FBXL13: variants seen among roughly 807,000 people sequenced by gnomAD.
FBXL13 encodes F-box and leucine rich repeat protein 13.
Under a neutral mutation model 83.6 loss-of-function variants are expected in FBXL13, and 67 were observed. That is an observed-to-expected ratio of 0.80 (90% confidence interval 0.66 to 0.98). The LOEUF (loss-of-function observed/expected upper bound fraction) is 0.98, where lower values mean the gene tolerates loss of function less well. Among genes scored for constraint, FBXL13 ranks in the 50% least tolerant of loss-of-function variants. The probability of loss-of-function intolerance (pLI) is 0.00; values close to 1 mark genes in which losing one functional copy is unlikely to be tolerated. For missense variants in FBXL13, 822 were observed against 866.5 expected (o/e 0.95, Z 0.64); for synonymous variants, 272 against 299.5 (o/e 0.91, Z 0.95).
intron 11 of FBXL13, among the ~76,000 whole-genome samples, chr7:102,907,481 CCA>C (rs1491151399): frequency 1.3e-5 from 2 of 151,740 alleles, no homozygotes; most frequent in Non-Finnish European, 2.9e-5. Flanking sequence ...TCCCGCCCCC[CCA>C]CAACAGGCCC....
intron 16 of FBXL13, among the ~76,000 whole-genome samples, chr7:102,866,568 T>C (rs10487280): frequency 0.036 from 5,508 of 152,292 alleles, 157 homozygotes; most frequent in East Asian, 0.16. Context: ...ATTCTTCCTA[T>C]TTCTTGAATC....
chr7:103,018,946 T>C (rs530615842), intron 6 of FBXL13, among the ~76,000 whole-genome samples: 1 of 152,252 alleles, frequency 6.6e-6, no homozygotes, highest in Admixed American at 6.5e-5. Flanking sequence ...TATCCAGGAA[T>C]TGAACTCAGC....
At chr7:103,014,364 A>T (rs1383402143) in intron 6 of FBXL13, among the ~76,000 whole-genome samples, 1 of 152,080 alleles carries the variant, frequency 6.6e-6, no homozygotes, top group Non-Finnish European at 1.5e-5. Context: ...CAAACAAAAA[A>T]ATCAAATCAG....
chr7:102,991,206 C>G (rs1044419587), intron 6 of FBXL13, among the ~76,000 whole-genome samples: 1 of 152,090 alleles, frequency 6.6e-6, no homozygotes, highest in Non-Finnish European at 1.5e-5. Context: ...AGAGAGAAGT[C>G]AAAGATATTT....
At chr7:102,987,170 G>A (rs933391680) in intron 6 of FBXL13, among the ~76,000 whole-genome samples, 1 of 151,970 alleles carries the variant, frequency 6.6e-6, no homozygotes, top group Admixed American at 6.6e-5. Context: ...GGGCGAGAGA[G>A]GAGTGAGGAA....
At chr7:102,955,735 T>C (rs1402584713) in intron 8 of FBXL13, among the ~76,000 whole-genome samples, 1 of 151,488 alleles carries the variant, frequency 6.6e-6, no homozygotes, top group Non-Finnish European at 1.5e-5. Context: ...CAAACTACCA[T>C]CAGAGAACAC....
chr7:102,823,359 C>G (rs1479734559), intron 18 of FBXL13, among the ~76,000 whole-genome samples: 1 of 152,102 alleles, frequency 6.6e-6, no homozygotes, highest in Non-Finnish European at 1.5e-5. Context: ...GAGAAGGGAC[C>G]TGGACATCAC....
intron 9 of FBXL13, among the ~76,000 whole-genome samples, chr7:102,931,567 G>C (rs1184598659): frequency 6.6e-6 from 1 of 152,166 alleles, no homozygotes; most frequent in African/African-American, 2.4e-5. Flanking sequence ...AAGATAAAAT[G>C]AGCCTATCAT....
intron 17 of FBXL13, among the ~76,000 whole-genome samples, chr7:102,847,565 C>T (rs1016261124): frequency 1.3e-5 from 2 of 151,820 alleles, no homozygotes; most frequent in Non-Finnish European, 2.9e-5. Context: ...CTCTTTCTGT[C>T]GCCCAGGCTG....
chr7:102,932,935 C>T (rs1028105313), intron 8 of FBXL13: 1 of 152,240 alleles, frequency 6.6e-6, no homozygotes, highest in Non-Finnish European at 1.5e-5. Context: ...TCAACAAATA[C>T]TTATCAAGGA....
intron 1 of FBXL13, among the ~76,000 whole-genome samples, chr7:103,065,046 C>T (rs968031336): frequency 6.6e-6 from 1 of 152,126 alleles, no homozygotes; most frequent in African/African-American, 2.4e-5. Flanking sequence ...TGTTGTAAGC[C>T]ACCAAGTGCT....
intron 16 of FBXL13, among the ~76,000 whole-genome samples, chr7:102,855,844 G>A (rs1197717243): frequency 6.8e-6 from 1 of 146,756 alleles, no homozygotes; most frequent in South Asian, 2.1e-4. Flanking sequence ...TTTTTTGTTT[G>A]TTTGTTTTGT....
intron 16 of FBXL13, among the ~76,000 whole-genome samples, chr7:102,872,322 T>C (rs1054634713): frequency 6.6e-6 from 1 of 152,198 alleles, no homozygotes; most frequent in South Asian, 2.1e-4. Flanking sequence ...CTTCATTCAA[T>C]GAGCAATTAA....
At chr7:102,956,377 C>T (rs1403551702) in intron 8 of FBXL13, among the ~76,000 whole-genome samples, 4 of 151,636 alleles carry the variant, frequency 2.6e-5, no homozygotes, top group African/African-American at 7.2e-5. Context: ...ATTGATGGAA[C>T]GTATCTCAAA....
At chr7:102,824,620 G>C (rs576777379) in intron 18 of FBXL13, among the ~76,000 whole-genome samples, 21 of 151,970 alleles carry the variant, frequency 1.4e-4, no homozygotes, top group South Asian at 8.3e-4. Context: ...TGTGTAGCTG[G>C]GATTACAGGT....
At chr7:102,959,173 G>A (rs558460918) in intron 8 of FBXL13, among the ~76,000 whole-genome samples, 1 of 152,114 alleles carries the variant, frequency 6.6e-6, no homozygotes, top group South Asian at 2.1e-4. Flanking sequence ...TTAATACATG[G>A]TCAGATACAA....
chr7:102,813,628 C>T, intron 19 of FBXL13, 97 bp from the exon 21 acceptor site: 2 of 1,250,066 alleles, frequency 1.6e-6, no homozygotes, highest in Non-Finnish European at 2.3e-6. Context: ...AATTCACTGT[C>T]ACAATCTGAA....
At chr7:102,915,347 T>C (rs1227247829) in intron 10 of FBXL13, among the ~76,000 whole-genome samples, 1 of 152,190 alleles carries the variant, frequency 6.6e-6, no homozygotes, top group Non-Finnish European at 1.5e-5. Flanking sequence ...GTAATATTAT[T>C]GCTACTACTA....
chr7:102,878,914 TCTTTC>T (rs1809623585), intron 14 of FBXL13, among the ~76,000 whole-genome samples: 1 of 152,228 alleles, frequency 6.6e-6, no homozygotes, highest in African/African-American at 2.4e-5. Context: ...CCCTTTGGCT[TCTTTC>T]CTTCTGAATC....
Sources: gnomAD v4.1 joint callset for allele counts (sites outside exome capture counted in the v4.1 genomes callset) on GRCh38, gnomAD v4.1.1 for gene constraint, MANE v1.5 for transcripts, NCBI Gene and HGNC (gene_info 2026-07-23, HGNC 2026-07-21) for gene names.